CNIH3: variants seen among roughly 807,000 people sequenced by gnomAD.
CNIH3 encodes the protein protein cornichon homolog 3.
A neutral mutation model predicts 24.1 loss-of-function variants in CNIH3; 14 were observed. That is an observed-to-expected ratio of 0.58 (90% CI 0.38 to 0.91). The LOEUF (loss-of-function observed/expected upper bound fraction) is 0.91, where lower values mean the gene tolerates loss of function less well. Ranked by LOEUF, CNIH3 falls within the 40% of genes least tolerant of loss-of-function variation. The pLI, the probability that CNIH3 is intolerant of heterozygous loss-of-function variation, is 0.00. For synonymous variants in CNIH3, 68 were observed against 73.8 expected (o/e 0.92, Z 0.40); for missense variants, 178 against 196.8 (o/e 0.90, Z 0.57).
chr1:224,503,972 G>A (rs896844411), intron 1 of CNIH3, among the ~76,000 whole-genome samples: 1 of 152,254 alleles, frequency 6.6e-6, no homozygotes, highest in Non-Finnish European at 1.5e-5. Flanking sequence ...GAGGGGACTT[G>A]AGGACTGGGT....
intron 3 of CNIH3, among the ~76,000 whole-genome samples, chr1:224,594,996 T>G (rs1231900402): frequency 6.6e-6 from 1 of 152,244 alleles, no homozygotes; most frequent in Non-Finnish European, 1.5e-5. Flanking sequence ...TGAGCAAGTC[T>G]GTCAGCACCA....
intron 1 of CNIH3, chr1:224,459,360 A>C (rs566264754): frequency 8.5e-6 from 3 of 353,222 alleles, no homozygotes; most frequent in African/African-American, 6.5e-5. Context: ...TGCAGTATGA[A>C]AACAACTTTT....
chr1:224,448,874 C>T (rs950568116), intron 1 of CNIH3, among the ~76,000 whole-genome samples: 1 of 152,134 alleles, frequency 6.6e-6, no homozygotes, highest in African/African-American at 2.4e-5. Context: ...TTTAGAGCTC[C>T]AGAGGCCTCG....
At chr1:224,681,531 G>A (rs1686404603) in intron 2 of CNIH3, among the ~76,000 whole-genome samples, 1 of 152,184 alleles carries the variant, frequency 6.6e-6, no homozygotes, top group Non-Finnish European at 1.5e-5. Context: ...TCTGCCTGGA[G>A]GATTTGGTGC....
upstream of CNIH3, chr1:224,615,691 G>C: frequency 6.6e-6 from 1 of 152,292 alleles, no homozygotes; most frequent in African/African-American, 2.4e-5. Flanking sequence ...CTTCAGCGCA[G>C]AATAGCCCAC....
At chr1:224,724,701 G>GT (rs2125230694) in intron 3 of CNIH3, among the ~76,000 whole-genome samples, 1 of 152,284 alleles carries the variant, frequency 6.6e-6, no homozygotes, top group African/African-American at 2.4e-5. Context: ...AAGGATTGAG[G>GT]TTTTTTATGA....
At chr1:224,552,051 G>C (rs1679944891) in intron 3 of CNIH3, among the ~76,000 whole-genome samples, 2 of 151,580 alleles carry the variant, frequency 1.3e-5, no homozygotes, top group Admixed American at 1.3e-4. Context: ...ATCTCCCTTA[G>C]ATATTATGAA....
At position 224,491,871 on chromosome 1, in the gene CNIH3, G is replaced by A. The variant is rs527705571; in HGVS notation, n.204-23870G>A. On this transcript the variant is annotated intron_variant and non_coding_transcript_variant, in intron 1 of 5. Transcript: ENST00000471578. ...GACTCTCCCACCTCGGCCTCCCAGA[G>A]TACTGGGATTATAGGCATGAGCCAC... Among the ~76,000 whole-genome samples the A allele has an allele frequency of 9.8e-4, 149 of 152,268 alleles. 1 individual carries two copies. The highest frequency in any genetic ancestry group is 3.5e-3 in the African/African-American group (147 of 41,534).
intron 1 of CNIH3, among the ~76,000 whole-genome samples, chr1:224,667,086 C>T (rs1332143317): frequency 6.6e-6 from 1 of 152,170 alleles, no homozygotes; most frequent in Non-Finnish European, 1.5e-5. Flanking sequence ...CAGAACAGTG[C>T]CTCATACATA....
chr1:224,710,059 C>T (rs966022376), intron 3 of CNIH3, among the ~76,000 whole-genome samples: 2 of 152,098 alleles, frequency 1.3e-5, no homozygotes, highest in South Asian at 2.1e-4. Flanking sequence ...TATATGAATA[C>T]GGTCTCTCTC....
At chr1:224,705,530 C>T (rs1687734698) in intron 3 of CNIH3, among the ~76,000 whole-genome samples, 2 of 152,198 alleles carry the variant, frequency 1.3e-5, no homozygotes, top group Admixed American at 1.3e-4. Flanking sequence ...TCTTCTTTTC[C>T]CCTCCCTCCT....
intron 4 of CNIH3, among the ~76,000 whole-genome samples, chr1:224,568,878 T>TC (rs958201445): frequency 2.0e-5 from 3 of 151,998 alleles, no homozygotes; most frequent in African/African-American, 7.2e-5. Flanking sequence ...TTGTTCACTT[T>TC]CTTTTTTTTT....
At chr1:224,579,759 C>T (rs1007075925) in intron 4 of CNIH3, among the ~76,000 whole-genome samples, 1 of 152,112 alleles carries the variant, frequency 6.6e-6, no homozygotes, top group Non-Finnish European at 1.5e-5. Flanking sequence ...GGAACTTTCC[C>T]CCCCTCTCTC....
intron 4 of CNIH3, among the ~76,000 whole-genome samples, chr1:224,733,980 C>G (rs563480003): frequency 7.4e-4 from 112 of 152,330 alleles, no homozygotes; most frequent in African/African-American, 2.6e-3. Flanking sequence ...GCTGCTCCCC[C>G]TCCTCCTCTT....
At chr1:224,542,873 G>T (rs141131739) in intron 2 of CNIH3, among the ~76,000 whole-genome samples, 3 of 152,274 alleles carry the variant, frequency 2.0e-5, no homozygotes, top group East Asian at 3.9e-4. Context: ...TCTGGTCTTT[G>T]TCCTAGTTCC....
At chr1:224,562,703 G>A (rs1192022613) in intron 3 of CNIH3, among the ~76,000 whole-genome samples, 2 of 152,000 alleles carry the variant, frequency 1.3e-5, no homozygotes, top group South Asian at 4.2e-4. Context: ...ACATGAGAGT[G>A]GTTGTTTAAA....
At chr1:224,692,472 A>C (rs748091655) in intron 3 of CNIH3, among the ~76,000 whole-genome samples, 3 of 152,186 alleles carry the variant, frequency 2.0e-5, no homozygotes, top group Non-Finnish European at 4.4e-5. Flanking sequence ...ATGATACGTG[A>C]AAAGGGATAC....
chr1:224,606,614 A>T (rs1239445384), intron 3 of CNIH3, among the ~76,000 whole-genome samples: 1 of 152,206 alleles, frequency 6.6e-6, no homozygotes, highest in Non-Finnish European at 1.5e-5. Context: ...GGCAACATTC[A>T]GGCGGGAAAA....
intron 4 of CNIH3, among the ~76,000 whole-genome samples, chr1:224,575,820 T>C (rs1441291348): frequency 6.6e-6 from 1 of 152,252 alleles, no homozygotes; most frequent in Non-Finnish European, 1.5e-5. Flanking sequence ...GAATAGCCTT[T>C]GTACTAATTT....
Sources: allele counts gnomAD v4.1 joint callset (sites outside exome capture counted in the v4.1 genomes callset), GRCh38; gene constraint gnomAD v4.1.1; transcripts MANE v1.5; gene names NCBI Gene and HGNC (gene_info 2026-07-23, HGNC 2026-07-21).